JPH2: variants seen among roughly 807,000 people sequenced by gnomAD.
JPH2 encodes junctophilin 2, also known as junctophilin-2.
JPH2 carries 38 observed loss-of-function variants against 55.9 expected under a neutral mutation model. The observed-to-expected ratio is 0.68, with a 90% CI of 0.52 to 0.89. The LOEUF is 0.89. Among genes scored for constraint, JPH2 ranks in the 40% least tolerant of loss-of-function variants. The pLI, the probability that JPH2 is intolerant of heterozygous loss-of-function variation, is 0.00. For missense variants in JPH2, 964 were observed against 1,037.6 expected, an observed-to-expected ratio of 0.93 and a Z score of 0.97; for synonymous variants, 480 against 472.4, an observed-to-expected ratio of 1.02 and a Z score of -0.21.
chr20:44,158,416 C>T (rs963006670), intron 2 of JPH2, among the ~76,000 whole-genome samples: 1 of 152,166 alleles, frequency 6.6e-6, no homozygotes, highest in Non-Finnish European at 1.5e-5. Context: ...AGGCCACTCA[C>T]TAACTGAGTG....
chr20:44,173,698 G>A (rs566020087), intron 1 of JPH2, among the ~76,000 whole-genome samples: 1 of 152,214 alleles, frequency 6.6e-6, no homozygotes, highest in African/African-American at 2.4e-5. Context: ...GGTGGGTCAC[G>A]AGGTCAGGAG....
rs568004714 is a variant in JPH2, at chr20:44,135,622, GCCTGTCA to G, written c.1170-17006_1170-17000del. On this transcript the variant is annotated intron_variant, in intron 2 of 5. Coordinates refer to ENST00000372980, the MANE Select transcript of JPH2 (RefSeq NM_020433.5). ...AGGGGCAGAAGCTTCGCTGCTGCGT[GCCTGTCA>G]CCAGACAGAGGCTGGCACAGAGCAG... Among the ~76,000 whole-genome samples the G allele has an allele frequency of 2.7e-4, 41 of 152,328 alleles. No individual in the cohort carries two copies. In the South Asian group the frequency reaches 5.4e-3, roughly 20 times the overall value.
intron 5 of JPH2, 32 bp downstream of exon 5, chr20:44,114,750 C>T (rs771979084): frequency 1.2e-5 from 19 of 1,525,310 alleles, no homozygotes; most frequent in Non-Finnish European, 1.6e-5. Context: ...GGCTCCTGCC[C>T]CCCAACCCCT....
At chr20:44,172,356 C>T (rs62204507) in intron 1 of JPH2, among the ~76,000 whole-genome samples, 4,807 of 152,256 alleles carry the variant, frequency 0.032, 90 homozygotes, top group Non-Finnish European at 0.044. Flanking sequence ...ACCAACCAAC[C>T]TCAGTTTGTA....
At position 44,116,202 on chromosome 20, in the gene JPH2, G is replaced by C. The variant is rs1330578032; in HGVS notation, c.1473C>G (p.Pro491=). 7 of 1,391,330 alleles carry C rather than the reference G, an allele frequency of 5.0e-6. No homozygotes were observed. The Admixed American group carries it at 1.1e-4, about 22-fold the overall frequency. 86.2% of individuals were successfully genotyped at this position (1,391,330 alleles called of 1,614,324 possible). Residue 491 remains proline (P), a synonymous_variant, in exon 4 of 6, where the codon CCC becomes CCG. Coordinates refer to ENST00000372980, the MANE Select transcript of JPH2 (RefSeq NM_020433.5). ...CGGGCCTGGGCCGCTTGGGCTGCGG[G>C]GGCGTCCCGGCCGGTGACGGGGAGC... ...EGGSPSPAGT[P]PQPKRPRPGV...
chr20:44,111,402 A>G lies in JPH2; in HGVS notation c.*2116T>C, dbSNP rs906517304. ...AAAACTGAGGCTCAGAGAAGCGAAG[A>G]AAGTGGCTGGGCTAGCATTGGAGGC... On this transcript the variant is annotated 3_prime_UTR_variant, in exon 6 of 6. Transcript: ENST00000372980. Among the ~76,000 whole-genome samples, 1 of 152,216 alleles carries G rather than the reference A, an allele frequency of 6.6e-6. No homozygotes were observed. Among genetic ancestry groups the G allele is most frequent in the African/African-American group, 2.4e-5 (1 of 41,456 alleles).
intron 2 of JPH2, among the ~76,000 whole-genome samples, chr20:44,155,921 A>G (rs996096399): frequency 6.6e-6 from 1 of 152,260 alleles, no homozygotes; most frequent in Middle Eastern, 3.4e-3. Flanking sequence ...CTGTGGTCCC[A>G]GCTACTTTGG....
At position 44,110,708 on chromosome 20, in the gene JPH2, T is replaced by C. The variant is rs1051937638; in HGVS notation, c.*2810A>G. On this transcript the variant is annotated 3_prime_UTR_variant, in exon 6 of 6. Transcript: ENST00000372980. ...AGCCTCCTCTAACGTGCTGGAATTA[T>C]AGGTGTGAGCCACCATGCCCAGCTT... Among the ~76,000 whole-genome samples the C allele has an allele frequency of 3.9e-5, 6 of 152,214 alleles. No homozygotes were observed. The highest frequency in any genetic ancestry group is 5.9e-5 in the Non-Finnish European group (4 of 68,046).
intron 2 of JPH2, among the ~76,000 whole-genome samples, chr20:44,158,509 T>C (rs1326611136): frequency 6.6e-6 from 1 of 152,194 alleles, no homozygotes; most frequent in African/African-American, 2.4e-5. Context: ...TATCATAAGG[T>C]TGTTAAAGGG....
chr20:44,166,315 T>C (rs991423604), intron 1 of JPH2, among the ~76,000 whole-genome samples: 5 of 152,164 alleles, frequency 3.3e-5, no homozygotes, highest in African/African-American at 4.8e-5. Flanking sequence ...CAAACTCACA[T>C]CCGTGTCTGG....
At chr20:44,178,593 T>C (rs770027640) in intron 1 of JPH2, among the ~76,000 whole-genome samples, 5 of 81,510 alleles carry the variant, frequency 6.1e-5, no homozygotes, top group Non-Finnish European at 1.2e-4. Flanking sequence ...CTGGTTTTCT[T>C]TTCTTTGTTT....
intron 2 of JPH2, among the ~76,000 whole-genome samples, chr20:44,128,129 G>A (rs2072290690): frequency 6.6e-6 from 1 of 152,022 alleles, no homozygotes; most frequent in Non-Finnish European, 1.5e-5. Flanking sequence ...GTCCAATTTA[G>A]CTATCTTTTG....
intron 4 of JPH2, among the ~76,000 whole-genome samples, chr20:44,115,166 G>A (rs890044304): frequency 6.6e-6 from 1 of 152,080 alleles, no homozygotes; most frequent in Non-Finnish European, 1.5e-5. Flanking sequence ...ATTCCCCTTG[G>A]GACGCATTCT....
chr20:44,127,341 T>G (rs2072284303), intron 2 of JPH2, among the ~76,000 whole-genome samples: 1 of 152,178 alleles, frequency 6.6e-6, no homozygotes, highest in Non-Finnish European at 1.5e-5. Flanking sequence ...AATTGCTGGG[T>G]CCTGTGGTAA....
In JPH2 at chr20:44,159,998, G is replaced by T; in HGVS notation, c.789C>A (p.Thr263=). 1 of 1,581,506 alleles carries T rather than the reference G, an allele frequency of 6.3e-7. No homozygotes were observed. The change falls in exon 2 of 6, where the codon ACC becomes ACA. Residue 263 remains threonine (T), a synonymous_variant. Transcript: ENST00000372980. This position sits in a 1 kb window ranked among gnomAD's most constrained non-coding sequence, Gnocchi z 5.7. ...LSSGASDAAS[T]ASLGEAAEGA... The stretch of plus-strand genomic sequence containing the variant: ...CCTCGGCGGCCTCTCCCAGGCTGGC[G>T]GTGGACGCGGCGTCGCTGGCGCCCG...
rs114195769 is a variant in JPH2 at position 44,186,961 on chromosome 20, C to T, written c.-256G>A. 320 of 579,772 alleles carry T rather than the reference C, an allele frequency of 5.5e-4. No individual in the cohort carries two copies. In the African/African-American group the frequency reaches 5.6e-3, roughly 10 times the overall value. The allele number at this position is 579,772 out of a possible 1,614,324, so 35.9% of individuals were successfully genotyped here. A position where few individuals can be genotyped will look rare whatever the true frequency, so the allele number is the denominator to read the frequency against. ...GCAAGGCTGCCTGCTGGAAAGAAAGCAGGAAGGAAAGGTTCAAAGTCCCCA... is the reference window on the plus strand; with the variant it reads ...GCAAGGCTGCCTGCTGGAAAGAAAGTAGGAAGGAAAGGTTCAAAGTCCCCA... On this transcript the variant is annotated 5_prime_UTR_variant, in exon 1 of 6. Coordinates refer to ENST00000372980, the MANE Select transcript of JPH2 (RefSeq NM_020433.5).
At chr20:44,149,961 AG>A (rs67384010) in intron 2 of JPH2, among the ~76,000 whole-genome samples, 3,085 of 81,594 alleles carry the variant, frequency 0.038, 237 homozygotes, top group African/African-American at 0.066. Context: ...TGGGCGACAG[AG>A]GAAAAAAAAA....
intron 2 of JPH2, among the ~76,000 whole-genome samples, chr20:44,127,894 G>C (rs6103638): frequency 6.6e-6 from 1 of 151,968 alleles, no homozygotes; most frequent in Admixed American, 6.6e-5. Context: ...GCATCTATGT[G>C]CTTCACGGCT....
At chr20:44,155,002 C>T (rs1258029722) in intron 2 of JPH2, among the ~76,000 whole-genome samples, 1 of 151,956 alleles carries the variant, frequency 6.6e-6, no homozygotes, top group African/African-American at 2.4e-5. Context: ...GCAGCCTTCT[C>T]GGTGGGAGCT....
Sources: allele counts gnomAD v4.1 joint callset (sites outside exome capture counted in the v4.1 genomes callset), GRCh38; gene constraint gnomAD v4.1.1; non-coding constraint Gnocchi (gnomAD v3.1); transcripts MANE v1.5; gene names NCBI Gene and HGNC (gene_info 2026-07-23, HGNC 2026-07-21).